The following TBL1XR1 variants were observed in gnomAD, a reference collection of about 807,000 sequenced individuals.
TBL1XR1 encodes the protein F-box-like/WD repeat-containing protein TBL1XR1.
In TBL1XR1, 5 loss-of-function variants were observed where a neutral mutation model predicts 66.9. The ratio of observed to expected loss-of-function variants is 0.07; its 90% CI spans 0.04 to 0.16. The LOEUF is 0.16. Ranked by LOEUF, TBL1XR1 falls within the 10% of genes least tolerant of loss-of-function variation. TBL1XR1 has a pLI of 1.00. For missense variants in TBL1XR1, 238 were observed against 623.2 expected (o/e 0.38, Z 6.58); for synonymous variants, 210 against 206.0 (o/e 1.02, Z -0.17).
intron 2 of TBL1XR1, among the ~76,000 whole-genome samples, chr3:177,075,837 T>C (rs1720631633): frequency 6.6e-6 from 1 of 152,126 alleles, no homozygotes; most frequent in African/African-American, 2.4e-5. Flanking sequence ...AGAAATTTAT[T>C]GTCTTATAGA....
At chr3:177,170,316 G>C (rs555020390) in intron 1 of TBL1XR1, among the ~76,000 whole-genome samples, 2 of 152,216 alleles carry the variant, frequency 1.3e-5, no homozygotes, top group South Asian at 4.2e-4. Context: ...CTTACCTGTA[G>C]ACCTAACTCA....
chr3:177,138,424 A>T (rs546492692), intron 1 of TBL1XR1, among the ~76,000 whole-genome samples: 1 of 152,238 alleles, frequency 6.6e-6, no homozygotes, highest in South Asian at 2.1e-4. Flanking sequence ...GTATGACTCC[A>T]TCTCCATAAA....
chr3:177,112,108 T>TACATATATATATATA (rs1553846589), intron 1 of TBL1XR1, among the ~76,000 whole-genome samples: 2 of 35,726 alleles, frequency 5.6e-5, no homozygotes, highest in African/African-American at 3.0e-4. Context: ...TATATATATA[T>TACATATATATATATA]TTTTTTTTTT....
intron 1 of TBL1XR1, among the ~76,000 whole-genome samples, chr3:177,133,831 G>A (rs1375065753): frequency 4.3e-5 from 6 of 140,704 alleles, no homozygotes; most frequent in Admixed American, 4.1e-4. Flanking sequence ...AGCCAAGATC[G>A]CGCCACTGCA....
intron 1 of TBL1XR1, among the ~76,000 whole-genome samples, chr3:177,169,328 T>G (rs1733192923): frequency 6.6e-6 from 1 of 152,222 alleles, no homozygotes; most frequent in Admixed American, 6.5e-5. Flanking sequence ...AATCTTTGAA[T>G]TTTACAATTA....
At chr3:177,043,478 G>A (rs375990743) in intron 10 of TBL1XR1, among the ~76,000 whole-genome samples, 39 of 152,202 alleles carry the variant, frequency 2.6e-4, no homozygotes, top group African/African-American at 8.7e-4. Context: ...CATTTCAGCT[G>A]TCTCTTGCTG....
At chr3:177,182,436 T>C (rs997132083) in intron 1 of TBL1XR1, among the ~76,000 whole-genome samples, 4 of 152,092 alleles carry the variant, frequency 2.6e-5, no homozygotes, top group Non-Finnish European at 5.9e-5. Context: ...CTAAGGACAA[T>C]TAATTTGTGA....
At chr3:177,188,533 G>A (rs1735719407) in intron 1 of TBL1XR1, among the ~76,000 whole-genome samples, 1 of 151,916 alleles carries the variant, frequency 6.6e-6, no homozygotes, top group Non-Finnish European at 1.5e-5. Flanking sequence ...GGCAACAAGA[G>A]CAAACCTCCG....
intron 1 of TBL1XR1, among the ~76,000 whole-genome samples, chr3:177,112,895 C>T (rs1431341570): frequency 6.6e-6 from 1 of 151,772 alleles, no homozygotes; most frequent in Non-Finnish European, 1.5e-5. Flanking sequence ...CGCAGCTACT[C>T]GGGAGGCTGA....
intron 1 of TBL1XR1, among the ~76,000 whole-genome samples, chr3:177,174,252 C>CA (rs986197911): frequency 5.3e-5 from 8 of 151,514 alleles, no homozygotes; most frequent in Admixed American, 5.3e-4. Flanking sequence ...AGTAAAAATA[C>CA]AAAAAAATTA....
intron 1 of TBL1XR1, among the ~76,000 whole-genome samples, chr3:177,144,434 T>C (rs1729997694): frequency 6.6e-6 from 1 of 152,084 alleles, no homozygotes; most frequent in South Asian, 2.1e-4. Flanking sequence ...TTGCAACTAC[T>C]CAACTGTGTA....
intron 1 of TBL1XR1, among the ~76,000 whole-genome samples, chr3:177,180,566 A>G (rs1242173534): frequency 6.6e-6 from 1 of 152,110 alleles, no homozygotes; most frequent in Non-Finnish European, 1.5e-5. Flanking sequence ...CAAAGTTTTA[A>G]AACCGAAAAT....
At chr3:177,086,545 G>T (rs1272992194) in intron 2 of TBL1XR1, among the ~76,000 whole-genome samples, 1 of 152,010 alleles carries the variant, frequency 6.6e-6, no homozygotes, top group Non-Finnish European at 1.5e-5. Context: ...TACATGACAT[G>T]GGGTTGGAGC....
chr3:177,171,087 T>C (rs1487870449), intron 1 of TBL1XR1, among the ~76,000 whole-genome samples: 1 of 151,156 alleles, frequency 6.6e-6, no homozygotes, highest in African/African-American at 2.4e-5. Flanking sequence ...ACGCCTGTAA[T>C]CCCAGCACTT....
rs1267023968 is a variant in TBL1XR1 at position 177,086,996 on chromosome 3, G to A, written c.-46+11470C>T. 2.7e-5 allele frequency: 4 copies of A among 148,450 alleles called. No homozygotes were observed. In the East Asian group the frequency reaches 7.9e-4, roughly 29 times the overall value. The allele number at this position is 148,450 out of a possible 1,614,324, so 9.2% of individuals were successfully genotyped here. The stretch of plus-strand genomic sequence containing the variant: ...TTAAATGGAAGTGAATCATCCTGAA[G>A]GTCCTCATCCTCTTCACAAGGCTGA... On this transcript the variant is annotated intron_variant, in intron 2 of 15. Transcript: ENST00000457928.
chr3:177,118,441 G>C (rs558850995), intron 1 of TBL1XR1, among the ~76,000 whole-genome samples: 21 of 152,114 alleles, frequency 1.4e-4, no homozygotes, highest in Admixed American at 1.2e-3. Context: ...TTATCCAAAG[G>C]CATGACTAGA....
At chr3:177,183,319 A>G (rs972940551) in intron 1 of TBL1XR1, among the ~76,000 whole-genome samples, 2 of 152,228 alleles carry the variant, frequency 1.3e-5, no homozygotes, top group Admixed American at 6.5e-5. Context: ...ATGTGTGTGC[A>G]TAAGTTCCTG....
At chr3:177,074,890 A>C (rs1401272697) in intron 2 of TBL1XR1, among the ~76,000 whole-genome samples, 1 of 152,252 alleles carries the variant, frequency 6.6e-6, no homozygotes, top group South Asian at 2.1e-4. Context: ...AAACATGTGA[A>C]GGTGAACACC....
chr3:177,164,080 C>T (rs192735456), intron 1 of TBL1XR1: 1 of 152,162 alleles, frequency 6.6e-6, no homozygotes, highest in African/African-American at 2.4e-5. Flanking sequence ...AGATTATACG[C>T]CCTTCTTAAC....
Sources: gnomAD v4.1 joint callset for allele counts (sites outside exome capture counted in the v4.1 genomes callset) on GRCh38, gnomAD v4.1.1 for gene constraint, MANE v1.5 for transcripts, NCBI Gene and HGNC (gene_info 2026-07-23, HGNC 2026-07-21) for gene names.